The following ITGB1 variants were observed in gnomAD, a reference collection of about 807,000 sequenced individuals.
The protein encoded by ITGB1 is integrin beta-1.
A neutral mutation model predicts 86.5 loss-of-function variants in ITGB1; 24 were observed. The observed-to-expected ratio is 0.28, with a 90% confidence interval of 0.20 to 0.39. ITGB1 has a LOEUF of 0.39. Among genes scored for constraint, ITGB1 ranks in the 10% least tolerant of loss-of-function variants. The pLI, the probability that ITGB1 is intolerant of heterozygous loss-of-function variation, is 1.00. For missense variants in ITGB1, 556 were observed against 946.9 expected, an observed-to-expected ratio of 0.59 and a Z score of 5.42; for synonymous variants, 323 against 316.8, an observed-to-expected ratio of 1.02 and a Z score of -0.21.
Position 32,910,226 on chromosome 10 carries a change from G to C in ITGB1, c.2161C>G (p.Pro721Ala), listed in dbSNP as rs369508240. ...TCTGCAATCATCGCATTTCTACCTG[G>C]ATTCTCCACAACATGAACCATGACC... ...NEVMVHVVEN[P>A]ECPTGPDIIP... Residue 721 changes from proline to alanine, a missense_variant, in exon 14 of 16, where the codon CCA becomes GCA. Physicochemically the swap from Pro to Ala is conservative, Grantham distance 27. Around this residue, in one of 4 missense-constraint regions of ITGB1, gnomAD observed 330 missense variants for 531.5 expected, o/e 0.62. Coordinates refer to ENST00000302278, the MANE Select transcript of ITGB1 (RefSeq NM_002211.4). The C allele has an allele frequency of 1.9e-6, 3 of 1,599,756 alleles. No homozygotes were observed. In the African/African-American group the frequency reaches 4.0e-5, roughly 21 times the overall value.
In ITGB1 at chr10:32,944,282, A is replaced by G. The variant is rs576912196; in HGVS notation, c.1-8724T>C. Among the ~76,000 whole-genome samples the G allele has an allele frequency of 1.0e-3, 157 of 152,380 alleles. 1 individual carries two copies. In the South Asian group the frequency reaches 0.018, roughly 17 times the overall value. ...AGTTCAGGGAAGGCCTGGGAGCCAC[A>G]GTCCCCGCCCACTAGCAGCGCTGCC... On this transcript the variant is annotated intron_variant, in intron 1 of 15. Transcript: ENST00000302278.
intron 11 of ITGB1, among the ~76,000 whole-genome samples, chr10:32,915,685 CA>C (rs1565821689): frequency 6.6e-6 from 1 of 151,934 alleles, no homozygotes; most frequent in African/African-American, 2.4e-5. Flanking sequence ...GCCTACCAAC[CA>C]AAAAAAGTCC....
chr10:32,922,813 T>A lies in ITGB1; in HGVS notation c.943-78A>T. The A allele has an allele frequency of 5.2e-6, 4 of 767,994 alleles. No homozygotes were observed. The Admixed American group carries it at 1.1e-4, about 21-fold the overall frequency. 47.6% of individuals were successfully genotyped at this position (767,994 alleles called of 1,614,324 possible). Reference sequence around the variant, plus strand: ...TCTAATTTTTCAATCTAGTTATACATGCAAGATTACACATAACTCGATTAC... The same window carrying A: ...TCTAATTTTTCAATCTAGTTATACAAGCAAGATTACACATAACTCGATTAC... On this transcript the variant is annotated intron_variant, in intron 7 of 15. Transcript: ENST00000302278.
chr10:32,940,748 A>G (rs560796235), intron 1 of ITGB1, among the ~76,000 whole-genome samples: 1 of 152,292 alleles, frequency 6.6e-6, no homozygotes, highest in South Asian at 2.1e-4. Flanking sequence ...TCATTCACAA[A>G]TTTTTTGACT....
chr10:32,917,337 C>T (rs985087323), intron 11 of ITGB1, among the ~76,000 whole-genome samples: 8 of 152,168 alleles, frequency 5.3e-5, no homozygotes, highest in African/African-American at 1.9e-4. Flanking sequence ...CCAAAATTGA[C>T]AAATGGGATC....
chr10:32,953,633 TGA>T (rs1169986643), intron 1 of ITGB1: 2 of 151,900 alleles, frequency 1.3e-5, no homozygotes, highest in Non-Finnish European at 2.9e-5. Context: ...AACGAGAGAA[TGA>T]GAGAAACATG....
At chr10:32,905,759 GAC>G (rs921618770) in intron 15 of ITGB1, among the ~76,000 whole-genome samples, 1 of 152,176 alleles carries the variant, frequency 6.6e-6, no homozygotes, top group Admixed American at 6.5e-5. Context: ...TCATGCCTGA[GAC>G]ACAGTGATTT....
At chr10:32,915,498 C>A (rs1480578069) in intron 11 of ITGB1, among the ~76,000 whole-genome samples, 2 of 152,174 alleles carry the variant, frequency 1.3e-5, no homozygotes, top group Non-Finnish European at 2.9e-5. Context: ...ACCGATCCAA[C>A]AGAAATACAA....
intron 11 of ITGB1, among the ~76,000 whole-genome samples, chr10:32,915,535 C>A (rs1390936016): frequency 6.6e-6 from 1 of 152,154 alleles, no homozygotes; most frequent in African/African-American, 2.4e-5. Flanking sequence ...ACTATAAACA[C>A]CACTATGCAA....
chr10:32,914,625 T>C (rs1048746513), intron 11 of ITGB1, among the ~76,000 whole-genome samples: 1 of 152,172 alleles, frequency 6.6e-6, no homozygotes, highest in Non-Finnish European at 1.5e-5. Context: ...CTATCCTAAA[T>C]ATATATGCAC....
intron 15 of ITGB1, among the ~76,000 whole-genome samples, chr10:32,903,328 G>A (rs1183084215): frequency 1.6e-5 from 2 of 122,396 alleles, no homozygotes; most frequent in Non-Finnish European, 3.4e-5. Flanking sequence ...CTCCAGACTG[G>A]GCGAAAGAGC....
chr10:32,933,227 G>A (rs1368116283), intron 2 of ITGB1: 2 of 151,966 alleles, frequency 1.3e-5, no homozygotes, highest in Non-Finnish European at 2.9e-5. Flanking sequence ...TATCTTCCTT[G>A]TCTTCTGTAT....
chr10:32,944,840 C>A, intron 1 of ITGB1: 1 of 1,155,026 alleles, frequency 8.7e-7, no homozygotes, highest in Non-Finnish European at 1.3e-6. Context: ...CACTGATGAT[C>A]TGACTGGGGA....
In ITGB1 at chr10:32,925,736, C is replaced by T. The variant is rs527312926; in HGVS notation, c.786+135G>A. 7.5e-6 allele frequency: 5 copies of T among 670,262 alleles called. No individual in the cohort carries two copies. In the African/African-American group the frequency reaches 9.1e-5, roughly 12 times the overall value. The allele number at this position is 670,262 out of a possible 1,614,324, so 41.5% of individuals were successfully genotyped here. ...TGTATACAGGCAATTTAAGGGTTTA[C>T]TTAAAATTACTTCTCTAAGATAATC... is the stretch of plus-strand genomic sequence containing the variant. On this transcript the variant is annotated intron_variant, in intron 6 of 15. Transcript: ENST00000302278.
At chr10:32,947,388 C>T (rs1164576426) in intron 1 of ITGB1, among the ~76,000 whole-genome samples, 1 of 148,718 alleles carries the variant, frequency 6.7e-6, no homozygotes, top group Non-Finnish European at 1.5e-5. Flanking sequence ...ATGGCAAGAA[C>T]TGGGGAGGAA....
intron 3 of ITGB1, among the ~76,000 whole-genome samples, chr10:32,931,254 T>A (rs1183028680): frequency 6.6e-6 from 1 of 152,088 alleles, no homozygotes; most frequent in Non-Finnish European, 1.5e-5. Context: ...AAATTTACAA[T>A]CATGACACCC....
At chr10:32,952,507 TATG>T (rs1565835550) in intron 1 of ITGB1, among the ~76,000 whole-genome samples, 1 of 152,106 alleles carries the variant, frequency 6.6e-6, no homozygotes, top group African/African-American at 2.4e-5. Flanking sequence ...GAAATCATAA[TATG>T]AAGAAAATCA....
intron 1 of ITGB1, chr10:32,957,661 A>G (rs1224561300): frequency 1.3e-5 from 2 of 152,162 alleles, no homozygotes; most frequent in Non-Finnish European, 2.9e-5. Flanking sequence ...CTCCAAGGAC[A>G]GCAGCTCGCG....
Position 32,910,441 on chromosome 10 carries a change from C to T in ITGB1, c.1946G>A (p.Cys649Tyr), listed in dbSNP as rs202067892. 7 of 1,574,426 alleles carry T rather than the reference C, an allele frequency of 4.4e-6. No individual in the cohort carries two copies. The highest frequency in any genetic ancestry group is 6.1e-6 in the Non-Finnish European group (7 of 1,154,624). ...CTTTTCTCCTTTATTGAAGGCTCTG[C>T]ACTGAACACATTCTCTGTTACAAAA... is the stretch of plus-strand genomic sequence containing the variant. ...VCAEHKECVQCRAFNKGEKKD... is the reference protein window; with the variant it reads ...VCAEHKECVQYRAFNKGEKKD... The change falls in exon 14 of 16, where the codon TGC becomes TAC. Residue 649 changes from cysteine to tyrosine, a missense_variant. Physicochemically the swap from Cys to Tyr is radical, Grantham distance 194. Transcript: ENST00000302278.
Sources: allele counts gnomAD v4.1 joint callset (sites outside exome capture counted in the v4.1 genomes callset), GRCh38; gene constraint gnomAD v4.1.1; regional missense constraint gnomAD v4.1.1; transcripts MANE v1.5; gene names NCBI Gene and HGNC (gene_info 2026-07-23, HGNC 2026-07-21).